Variants in FARS2 observed in about 807,000 individuals in gnomAD.
FARS2 encodes phenylalanyl-tRNA synthetase 2, mitochondrial, also known as phenylalanine--tRNA ligase, mitochondrial.
FARS2 carries 40 observed loss-of-function variants against 46.4 expected under a neutral mutation model. That is an observed-to-expected ratio of 0.86 (90% confidence interval 0.67 to 1.12). The LOEUF (loss-of-function observed/expected upper bound fraction) is 1.12. Ranked by LOEUF, FARS2 falls within the 50% of genes most tolerant of loss-of-function variation. The pLI is 0.00. For missense variants in FARS2, 513 were observed against 567.9 expected, an observed-to-expected ratio of 0.90 and a Z score of 0.98; for synonymous variants, 234 against 214.9, an observed-to-expected ratio of 1.09 and a Z score of -0.78.
chr6:5,522,945 A>T (rs892056398), intron 4 of FARS2, among the ~76,000 whole-genome samples: 1 of 152,214 alleles, frequency 6.6e-6, no homozygotes, highest in Non-Finnish European at 1.5e-5. Flanking sequence ...CAGATATGGG[A>T]TCGAACGAAA....
At chr6:5,528,735 G>A (rs1769630123) in intron 4 of FARS2, among the ~76,000 whole-genome samples, 1 of 152,192 alleles carries the variant, frequency 6.6e-6, no homozygotes, top group Non-Finnish European at 1.5e-5. Flanking sequence ...GCAATGAAAT[G>A]TAAGACAGTT....
chr6:5,438,986 A>G (rs1763690609), intron 4 of FARS2, among the ~76,000 whole-genome samples: 1 of 152,168 alleles, frequency 6.6e-6, no homozygotes, highest in Non-Finnish European at 1.5e-5. Flanking sequence ...CACTTTCTGA[A>G]TGGCATCCTG....
rs749699366 is a variant in FARS2 at position 5,556,723 on chromosome 6, C to A, written c.1065+11383C>A. 1.7e-4 allele frequency among the ~76,000 whole-genome samples: 26 copies of A among 151,918 alleles called. 1 individual carries two copies. Among genetic ancestry groups the A allele is most frequent in the African/African-American group, 5.6e-4 (23 of 41,314 alleles). On this transcript the variant is annotated intron_variant, in intron 5 of 6. Coordinates refer to ENST00000274680, the MANE Select transcript of FARS2 (RefSeq NM_006567.5). Reference sequence around the variant, plus strand: ...AGAGAAAAAATGAACGATCTAGGTCCTCAGCATTTTCTTACAGTTTTCTTG... The same window carrying A: ...AGAGAAAAAATGAACGATCTAGGTCATCAGCATTTTCTTACAGTTTTCTTG...
chr6:5,609,726 C>A, intron 5 of FARS2: 1 of 1,498,050 alleles, frequency 6.7e-7, no homozygotes, highest in Non-Finnish European at 9.2e-7. Flanking sequence ...GAGTCATGGT[C>A]GTCAAAAGTT....
intron 6 of FARS2, among the ~76,000 whole-genome samples, chr6:5,648,625 T>C (rs948655583): frequency 1.3e-5 from 2 of 152,154 alleles, no homozygotes; most frequent in African/African-American, 4.8e-5. Context: ...TGATGCTTTC[T>C]TTTTTTCCCC....
At chr6:5,271,743 A>C (rs1050271526) in intron 1 of FARS2, among the ~76,000 whole-genome samples, 2 of 151,758 alleles carry the variant, frequency 1.3e-5, no homozygotes, top group African/African-American at 4.8e-5. Context: ...TTATATTTTT[A>C]GTAGAGATGG....
At chr6:5,433,884 A>G (rs1763370683) in intron 4 of FARS2, among the ~76,000 whole-genome samples, 1 of 152,148 alleles carries the variant, frequency 6.6e-6, no homozygotes. Context: ...TATGAGGTTT[A>G]TTCACACAGT....
upstream of FARS2, chr6:5,260,570 G>T (rs1047716333): frequency 6.6e-7 from 1 of 1,512,930 alleles, no homozygotes. Context: ...AGTCCCCGGG[G>T]ATATTCCGCG....
intron 1 of FARS2, among the ~76,000 whole-genome samples, chr6:5,308,383 A>T (rs1484874196): frequency 6.6e-6 from 1 of 152,236 alleles, no homozygotes; most frequent in Admixed American, 6.5e-5. Flanking sequence ...GAGAGGAAGC[A>T]GCAACTCCCG....
intron 1 of FARS2, among the ~76,000 whole-genome samples, chr6:5,358,172 G>T (rs1236383250): frequency 6.6e-6 from 1 of 151,994 alleles, no homozygotes; most frequent in African/African-American, 2.4e-5. Context: ...TTTAATATGT[G>T]GTTTAGAGAG....
Position 5,662,945 on chromosome 6 carries a change from T to C in FARS2, c.1217+49625T>C, listed in dbSNP as rs550909144. 3.9e-5 allele frequency among the ~76,000 whole-genome samples: 6 copies of C among 152,342 alleles called. No individual in the cohort carries two copies. In the East Asian group the frequency reaches 9.6e-4, roughly 24 times the overall value. ...ATAAAGCTCTTGGAACAATGCCTGATGCATAGTAAGTACTTAATAAATTCT... is the reference window on the plus strand; with the variant it reads ...ATAAAGCTCTTGGAACAATGCCTGACGCATAGTAAGTACTTAATAAATTCT... On this transcript the variant is annotated intron_variant, in intron 6 of 6. Transcript: ENST00000274680.
intron 5 of FARS2, among the ~76,000 whole-genome samples, chr6:5,585,940 A>G (rs1434384138): frequency 6.6e-6 from 1 of 152,198 alleles, no homozygotes; most frequent in Non-Finnish European, 1.5e-5. Flanking sequence ...TGAGATTGCT[A>G]GATCATATGG....
chr6:5,611,917 C>G (rs1775210245), intron 5 of FARS2, among the ~76,000 whole-genome samples: 1 of 152,150 alleles, frequency 6.6e-6, no homozygotes, highest in African/African-American at 2.4e-5. Context: ...CAATCTCAGT[C>G]TCTTATCTCC....
At chr6:5,690,903 A>G (rs910513218) in intron 6 of FARS2, among the ~76,000 whole-genome samples, 3 of 152,098 alleles carry the variant, frequency 2.0e-5, no homozygotes, top group Non-Finnish European at 4.4e-5. Flanking sequence ...ATTTATTTTT[A>G]TTCTTTTTTC....
intron 4 of FARS2, among the ~76,000 whole-genome samples, chr6:5,477,277 G>A (rs900988595): frequency 6.6e-6 from 1 of 152,184 alleles, no homozygotes; most frequent in African/African-American, 2.4e-5. Flanking sequence ...TCAGAGATTA[G>A]CCAGGAACTA....
At chr6:5,543,187 G>A (rs755123949) in intron 4 of FARS2, among the ~76,000 whole-genome samples, 7 of 152,152 alleles carry the variant, frequency 4.6e-5, no homozygotes, top group Non-Finnish European at 8.8e-5. Flanking sequence ...TATAGCCTGT[G>A]TTCCCATTTG....
intron 6 of FARS2, among the ~76,000 whole-genome samples, chr6:5,673,041 T>TTTAG: frequency 6.6e-6 from 1 of 152,222 alleles, no homozygotes; most frequent in South Asian, 2.1e-4. Flanking sequence ...GCCTTTGCAG[T>TTTAG]TTAGCATCAA....
At chr6:5,569,021 CA>C (rs897242015) in intron 5 of FARS2, among the ~76,000 whole-genome samples, 1 of 151,272 alleles carries the variant, frequency 6.6e-6, no homozygotes, top group African/African-American at 2.4e-5. Flanking sequence ...TTGAGACTTG[CA>C]GGGGCACTGT....
At chr6:5,302,430 A>G (rs1768384194) in intron 1 of FARS2, among the ~76,000 whole-genome samples, 1 of 152,146 alleles carries the variant, frequency 6.6e-6, no homozygotes, top group Admixed American at 6.5e-5. Context: ...ATCGGATGAC[A>G]TGGGATGACA....
Sources: allele counts gnomAD v4.1 joint callset (sites outside exome capture counted in the v4.1 genomes callset), GRCh38; gene constraint gnomAD v4.1.1; transcripts MANE v1.5; gene names NCBI Gene and HGNC (gene_info 2026-07-23, HGNC 2026-07-21).